Variants in NUBPL observed in about 807,000 individuals in gnomAD.
NUBPL encodes the protein NUBP iron-sulfur cluster assembly factor, mitochondrial, also known as iron-sulfur cluster transfer protein NUBPL.
NUBPL carries 31 observed loss-of-function variants against 45.7 expected under a neutral mutation model. The ratio of observed to expected loss-of-function variants is 0.68; its 90% CI spans 0.51 to 0.92. NUBPL has a LOEUF of 0.92. Among genes scored for constraint, NUBPL ranks in the 40% least tolerant of loss-of-function variants. The pLI, the probability that NUBPL is intolerant of heterozygous loss-of-function variation, is 0.00. For synonymous variants in NUBPL, 144 were observed against 140.9 expected, an observed-to-expected ratio of 1.02 and a Z score of -0.15; for missense variants, 401 against 398.7, an observed-to-expected ratio of 1.01 and a Z score of -0.05.
At chr14:31,688,238 G>A (rs1409021271) in intron 6 of NUBPL, among the ~76,000 whole-genome samples, 1 of 152,140 alleles carries the variant, frequency 6.6e-6, no homozygotes, top group East Asian at 1.9e-4. Flanking sequence ...AGGAGAGGCA[G>A]TTTCTGCCAG....
At chr14:31,752,335 T>C (rs1284408337) in intron 6 of NUBPL, among the ~76,000 whole-genome samples, 1 of 152,238 alleles carries the variant, frequency 6.6e-6, no homozygotes, top group Non-Finnish European at 1.5e-5. Flanking sequence ...TATGACTATA[T>C]ACTTTCAGAA....
chr14:31,856,206 C>T (rs889766238), intron 10 of NUBPL, among the ~76,000 whole-genome samples: 13 of 151,954 alleles, frequency 8.6e-5, no homozygotes, highest in Admixed American at 2.6e-4. Flanking sequence ...ACATGGATGG[C>T]GGCAGGCAAA....
chr14:31,859,003 A>G (rs889650109), intron 10 of NUBPL, 115 bp from the exon 11 acceptor site: 1 of 827,942 alleles, frequency 1.2e-6, no homozygotes, highest in African/African-American at 1.7e-5. Context: ...GAATTTCCTC[A>G]TCTCACTCAG....
rs764852401 is a variant in NUBPL at position 31,673,504 on chromosome 14, T to C, written c.443T>C (p.Val148Ala). ...TGCAGTATGTCTATGGGCTTTCTGG[T>C]TGAAGAAAGTGAACCAGTAGTTTGG... ...GIACMSMGFL[V>A]EESEPVVWRG... is the part of the protein sequence containing the mutation. The change falls in exon 6 of 11, where the codon GTT becomes GCT. Residue 148 changes from valine to alanine, a missense_variant. Val to Ala is a moderately conservative substitution (Grantham distance 64). Transcript: ENST00000281081. The C allele has an allele frequency of 4.3e-6, 7 of 1,613,918 alleles. No homozygotes were observed. The highest frequency in any genetic ancestry group is 5.9e-6 in the Non-Finnish European group (7 of 1,179,874).
chr14:31,613,172 TAAATG>T (rs2034806334), intron 4 of NUBPL, among the ~76,000 whole-genome samples: 1 of 152,204 alleles, frequency 6.6e-6, no homozygotes, highest in African/African-American at 2.4e-5. Context: ...ATCATTATGT[TAAATG>T]AAATAAGCCA....
intron 4 of NUBPL, among the ~76,000 whole-genome samples, chr14:31,607,857 G>A (rs573187486): frequency 6.6e-6 from 1 of 152,024 alleles, no homozygotes; most frequent in East Asian, 1.9e-4. Flanking sequence ...TCCAAAACCT[G>A]GAGAAAGATA....
intron 6 of NUBPL, among the ~76,000 whole-genome samples, chr14:31,783,354 T>C (rs574900185): frequency 2.0e-5 from 3 of 152,158 alleles, no homozygotes; most frequent in East Asian, 3.9e-4. Context: ...GTGTGGTCAT[T>C]TGCTTGGTTT....
intron 4 of NUBPL, among the ~76,000 whole-genome samples, chr14:31,652,040 G>T (rs2036022097): frequency 6.6e-6 from 1 of 152,044 alleles, no homozygotes; most frequent in Non-Finnish European, 1.5e-5. Context: ...AATGGATAAA[G>T]AAAATGTGGT....
intron 4 of NUBPL, among the ~76,000 whole-genome samples, chr14:31,668,603 G>GA (rs2036495616): frequency 6.6e-6 from 1 of 152,164 alleles, no homozygotes. Flanking sequence ...ATTGGGGTAT[G>GA]AAAAAACACT....
intron 6 of NUBPL, among the ~76,000 whole-genome samples, chr14:31,774,058 C>A (rs1036687469): frequency 2.0e-5 from 3 of 152,166 alleles, no homozygotes; most frequent in Non-Finnish European, 4.4e-5. Flanking sequence ...TTGGTTACAC[C>A]TTTCCATGCC....
At chr14:31,727,324 C>T (rs992087612) in intron 6 of NUBPL, among the ~76,000 whole-genome samples, 1 of 152,058 alleles carries the variant, frequency 6.6e-6, no homozygotes, top group Admixed American at 6.5e-5. Context: ...GAAGGCTTAC[C>T]ATATTTCTCT....
At chr14:31,628,038 T>C (rs1382456170) in intron 4 of NUBPL, among the ~76,000 whole-genome samples, 1 of 152,238 alleles carries the variant, frequency 6.6e-6, no homozygotes, top group African/African-American at 2.4e-5. Flanking sequence ...TGTCTACTTT[T>C]GCATTTATTC....
intron 4 of NUBPL, among the ~76,000 whole-genome samples, chr14:31,633,623 C>G (rs1378904063): frequency 1.3e-5 from 2 of 152,160 alleles, no homozygotes; most frequent in Non-Finnish European, 2.9e-5. Flanking sequence ...ACAGAATCCA[C>G]AAATGCATTA....
intron 4 of NUBPL, among the ~76,000 whole-genome samples, chr14:31,655,441 G>C (rs1480016082): frequency 1.3e-5 from 2 of 152,120 alleles, no homozygotes; most frequent in African/African-American, 4.8e-5. Flanking sequence ...GGCCGGGCAT[G>C]GTGGCTCACA....
At chr14:31,650,604 A>T (rs3861472) in intron 4 of NUBPL, among the ~76,000 whole-genome samples, 46,041 of 152,038 alleles carry the variant, frequency 0.3, 7,687 homozygotes, top group South Asian at 0.41. Flanking sequence ...AATGGCTTTC[A>T]TTGAAAAAAT....
At chr14:31,644,230 ATATGT>A (rs1485716610) in intron 4 of NUBPL, among the ~76,000 whole-genome samples, 1 of 151,472 alleles carries the variant, frequency 6.6e-6, no homozygotes, top group Non-Finnish European at 1.5e-5. Context: ...AGATGCATTG[ATATGT>A]TGTGTTAAGT....
At chr14:31,684,115 A>G (rs1311451831) in intron 6 of NUBPL, among the ~76,000 whole-genome samples, 36 of 152,136 alleles carry the variant, frequency 2.4e-4, no homozygotes, top group Non-Finnish European at 5.9e-5. Flanking sequence ...CATCTGCCTG[A>G]GTTTATTCCA....
chr14:31,719,490 GA>G (rs34628146), intron 6 of NUBPL, among the ~76,000 whole-genome samples: 58,542 of 146,854 alleles, frequency 0.4, 11,528 homozygotes, highest in South Asian at 0.49. Flanking sequence ...ATTCCTAAAG[GA>G]AAAAAAAAAA....
chr14:31,561,822 C>T, intron 1 of NUBPL: 1 of 597,988 alleles, frequency 1.7e-6, no homozygotes, highest in South Asian at 2.2e-5. Flanking sequence ...AGCCTTATCT[C>T]CGTAAAGAGG....
Sources: allele counts gnomAD v4.1 joint callset (sites outside exome capture counted in the v4.1 genomes callset), GRCh38; gene constraint gnomAD v4.1.1; transcripts MANE v1.5; gene names NCBI Gene and HGNC (gene_info 2026-07-23, HGNC 2026-07-21).